The following INVS variants were observed in gnomAD, a reference collection of about 807,000 sequenced individuals.
The protein encoded by INVS is inversin, also known as inversion of embryo turning homolog.
In INVS, 86 loss-of-function variants were observed where a neutral mutation model predicts 108.8. The ratio of observed to expected loss-of-function variants is 0.79; its 90% CI spans 0.66 to 0.95. The LOEUF (loss-of-function observed/expected upper bound fraction) is 0.95, where lower values mean the gene tolerates loss of function less well. Among genes scored for constraint, INVS ranks in the 40% least tolerant of loss-of-function variants. The pLI is 0.00. For synonymous variants in INVS, 455 were observed against 473.5 expected (o/e 0.96, Z 0.51); for missense variants, 1,169 against 1,297.4 (o/e 0.90, Z 1.52).
intron 3 of INVS, among the ~76,000 whole-genome samples, chr9:100,143,842 A>G (rs1564130781): frequency 6.6e-6 from 1 of 152,142 alleles, no homozygotes; most frequent in African/African-American, 2.4e-5. Flanking sequence ...TGGAGTGGGT[A>G]GCTTCCATAT....
chr9:100,157,307 C>G (rs1198280642), intron 3 of INVS, among the ~76,000 whole-genome samples: 4 of 145,838 alleles, frequency 2.7e-5, no homozygotes, highest in Non-Finnish European at 5.9e-5. Flanking sequence ...CACTGTTGCC[C>G]AGGCTGGAGT....
intron 8 of INVS, among the ~76,000 whole-genome samples, chr9:100,249,357 G>A (rs185007239): frequency 2.6e-4 from 40 of 151,672 alleles, no homozygotes; most frequent in African/African-American, 9.0e-4. Flanking sequence ...TCTGTGGTGT[G>A]GCATCAAGTA....
chr9:100,215,090 G>A (rs1034574509), intron 3 of INVS: 1 of 152,058 alleles, frequency 6.6e-6, no homozygotes, highest in African/African-American at 2.4e-5. Flanking sequence ...TTCCATTTTG[G>A]CCTATATGGA....
At chr9:100,180,418 T>C (rs1225396772) in intron 3 of INVS, among the ~76,000 whole-genome samples, 2 of 144,714 alleles carry the variant, frequency 1.4e-5, no homozygotes, top group African/African-American at 5.1e-5. Flanking sequence ...AAGAATAAAA[T>C]AGACACAATA....
intron 2 of INVS, among the ~76,000 whole-genome samples, chr9:100,118,822 G>A (rs1827635261): frequency 6.6e-6 from 1 of 151,548 alleles, no homozygotes; most frequent in African/African-American, 2.4e-5. Context: ...CACCACACCT[G>A]GCTAATTTCT....
At chr9:100,209,710 C>T (rs940618150) in intron 3 of INVS, among the ~76,000 whole-genome samples, 1 of 140,714 alleles carries the variant, frequency 7.1e-6, no homozygotes, top group Admixed American at 8.0e-5. Context: ...GCAGAGCTTG[C>T]AGTGAGCCGA....
At chr9:100,133,802 CACAT>C (rs1453256122) in intron 3 of INVS, among the ~76,000 whole-genome samples, 3 of 148,288 alleles carry the variant, frequency 2.0e-5, no homozygotes, top group Non-Finnish European at 3.0e-5. Context: ...CACACACACA[CACAT>C]ACACACATCC....
At chr9:100,269,211 C>T (rs1192471673) in intron 11 of INVS, among the ~76,000 whole-genome samples, 2 of 152,080 alleles carry the variant, frequency 1.3e-5, no homozygotes, top group African/African-American at 2.4e-5. Context: ...GTTGCTTAAC[C>T]TCTCTGGAGC....
At chr9:100,281,618 G>T (rs956548962) in intron 12 of INVS, among the ~76,000 whole-genome samples, 1 of 152,026 alleles carries the variant, frequency 6.6e-6, no homozygotes, top group Non-Finnish European at 1.5e-5. Context: ...AATGCAAAAT[G>T]CATCAATTTA....
At chr9:100,179,060 A>T (rs1310112092) in intron 3 of INVS, among the ~76,000 whole-genome samples, 1 of 152,218 alleles carries the variant, frequency 6.6e-6, no homozygotes, top group African/African-American at 2.4e-5. Flanking sequence ...CGAAGGAGAA[A>T]TAAAATCCTT....
In INVS at chr9:100,122,168, T is replaced by C. The variant is rs189893585; in HGVS notation, c.107-4215T>C. ...GGCTGTCATTAGATGAAGTGTTAAATAAATACCAGTTGGATCCTGTTGCTT... is the reference window on the plus strand; with the variant it reads ...GGCTGTCATTAGATGAAGTGTTAAACAAATACCAGTTGGATCCTGTTGCTT... On this transcript the variant is annotated intron_variant, in intron 2 of 16. Coordinates refer to ENST00000262457, the MANE Select transcript of INVS (RefSeq NM_014425.5). Among the ~76,000 whole-genome samples the C allele has an allele frequency of 3.3e-3, 500 of 152,360 alleles. 2 individuals are homozygous for C. The highest frequency in any genetic ancestry group is 0.011 in the African/African-American group (471 of 41,586).
chr9:100,244,616 C>G (rs1831985664), intron 7 of INVS, among the ~76,000 whole-genome samples: 1 of 151,948 alleles, frequency 6.6e-6, no homozygotes, highest in Non-Finnish European at 1.5e-5. Flanking sequence ...GGATAATCTG[C>G]CAATTCCAGA....
intron 8 of INVS, among the ~76,000 whole-genome samples, chr9:100,248,113 C>G (rs565219974): frequency 2.4e-4 from 37 of 152,248 alleles, no homozygotes; most frequent in African/African-American, 8.4e-4. Flanking sequence ...CCACCGTGCC[C>G]GGCCAGCAGA....
At chr9:100,163,828 A>C (rs1829270290) in intron 3 of INVS, among the ~76,000 whole-genome samples, 1 of 152,228 alleles carries the variant, frequency 6.6e-6, no homozygotes, top group Admixed American at 6.5e-5. Context: ...CTGTGGCTCT[A>C]GTCAAGTAAG....
intron 6 of INVS, among the ~76,000 whole-genome samples, chr9:100,241,186 C>T (rs746491900): frequency 6.6e-6 from 1 of 151,924 alleles, no homozygotes; most frequent in Non-Finnish European, 1.5e-5. Flanking sequence ...TCACTTTTAT[C>T]GCCAGATTTA....
chr9:100,252,275 C>T lies in INVS; in HGVS notation c.1079-8C>T, dbSNP rs1832260400. On this transcript the variant is annotated splice_region_variant and splice_polypyrimidine_tract_variant and intron_variant, in intron 8 of 16. Coordinates refer to ENST00000262457, the MANE Select transcript of INVS (RefSeq NM_014425.5). The stretch of plus-strand genomic sequence containing the variant: ...CTAGTTCATCACTTTCTGTTGGTTC[C>T]CTTTTAGCTTTGCATGCTGCTGCTC... 1.2e-6 allele frequency: 2 copies of T among 1,613,708 alleles called. No homozygotes were observed. Among genetic ancestry groups the T allele is most frequent in the Admixed American group, 3.3e-5 (2 of 59,996 alleles).
chr9:100,103,100 G>A (rs991775659), intron 1 of INVS, among the ~76,000 whole-genome samples: 5 of 152,020 alleles, frequency 3.3e-5, no homozygotes, highest in African/African-American at 7.2e-5. Flanking sequence ...TGATCTGCCC[G>A]CCTTGCCCTC....
chr9:100,178,680 G>A (rs924990427), intron 3 of INVS, among the ~76,000 whole-genome samples: 3 of 152,178 alleles, frequency 2.0e-5, no homozygotes, highest in African/African-American at 7.2e-5. Flanking sequence ...GTACCTGAAA[G>A]TGACGGGGAG....
intron 4 of INVS, among the ~76,000 whole-genome samples, chr9:100,229,456 C>T (rs1831437643): frequency 2.0e-5 from 3 of 152,090 alleles, no homozygotes; most frequent in Non-Finnish European, 4.4e-5. Flanking sequence ...CAATTTAAAA[C>T]TTATGAATTG....
Sources: gnomAD v4.1 joint callset for allele counts (sites outside exome capture counted in the v4.1 genomes callset) on GRCh38, gnomAD v4.1.1 for gene constraint, MANE v1.5 for transcripts, NCBI Gene and HGNC (gene_info 2026-07-23, HGNC 2026-07-21) for gene names.